PBX3: variants seen among roughly 807,000 people sequenced by gnomAD.
The protein encoded by PBX3 is pre-B-cell leukemia transcription factor 3.
PBX3 carries 14 observed loss-of-function variants against 48.5 expected under a neutral mutation model. That is an observed-to-expected ratio of 0.29 (90% CI 0.19 to 0.45). The LOEUF (loss-of-function observed/expected upper bound fraction) is 0.45. Among genes scored for constraint, PBX3 ranks in the 20% least tolerant of loss-of-function variants. The pLI, the probability that PBX3 is intolerant of heterozygous loss-of-function variation, is 1.00. For missense variants in PBX3, 386 were observed against 546.7 expected, an observed-to-expected ratio of 0.71 and a Z score of 2.93; for synonymous variants, 210 against 200.3, an observed-to-expected ratio of 1.05 and a Z score of -0.41.
intron 2 of PBX3, among the ~76,000 whole-genome samples, chr9:125,836,399 T>C (rs1001357924): frequency 6.6e-6 from 1 of 151,844 alleles, no homozygotes; most frequent in Non-Finnish European, 1.5e-5. Context: ...GAGCCGAGAT[T>C]GCATCACTGC....
chr9:125,835,205 C>T (rs1839097733), intron 2 of PBX3, among the ~76,000 whole-genome samples: 1 of 151,958 alleles, frequency 6.6e-6, no homozygotes, highest in Non-Finnish European at 1.5e-5. Context: ...CTAGGCATCT[C>T]ATATGTATTA....
At position 125,966,124 on chromosome 9, in the gene PBX3, A is replaced by AT. The variant is rs398012268; in HGVS notation, c.*202dup. 1,607 of 441,652 alleles carry AT rather than the reference A, an allele frequency of 3.6e-3. 7 individuals carry two copies. Among genetic ancestry groups the AT allele is most frequent in the South Asian group, 0.016 (346 of 21,032 alleles). 27.4% of individuals were successfully genotyped at this position (441,652 alleles called of 1,614,324 possible). A position where few individuals can be genotyped will look rare whatever the true frequency, so the allele number is the denominator to read the frequency against. ...TTAAAAACACACAATGTTAAAAAAA[A>AT]TAAAGCACTTTATCCAATTAGGCCA... On this transcript the variant is annotated 3_prime_UTR_variant, in exon 9 of 9. Coordinates refer to ENST00000373489, the MANE Select transcript of PBX3 (RefSeq NM_006195.6).
At chr9:125,843,885 T>C in intron 2 of PBX3, 1 of 454,708 alleles carries the variant, frequency 2.2e-6, no homozygotes, top group Non-Finnish European at 4.4e-6. Flanking sequence ...GGAAGGCAAT[T>C]GCCAGGGGTT....
chr9:125,798,238 C>A (rs1463089905), intron 2 of PBX3, among the ~76,000 whole-genome samples: 1 of 152,072 alleles, frequency 6.6e-6, no homozygotes, highest in Non-Finnish European at 1.5e-5. Context: ...AAAAGCTGTT[C>A]AAATCTAGGA....
At chr9:125,870,004 A>G (rs1332750695) in intron 2 of PBX3, among the ~76,000 whole-genome samples, 3 of 151,732 alleles carry the variant, frequency 2.0e-5, no homozygotes, top group Non-Finnish European at 4.4e-5. Context: ...GAGAGGCTTC[A>G]CAATCATGGC....
chr9:125,893,331 C>T (rs1236023782), intron 2 of PBX3, among the ~76,000 whole-genome samples: 2 of 152,168 alleles, frequency 1.3e-5, no homozygotes. Context: ...AGACTTTAAT[C>T]TGTGGACTCT....
chr9:125,866,678 G>A (rs1348011782), intron 2 of PBX3, among the ~76,000 whole-genome samples: 1 of 152,126 alleles, frequency 6.6e-6, no homozygotes, highest in Non-Finnish European at 1.5e-5. Flanking sequence ...TCTATATCTC[G>A]TTTCTAGCTA....
intron 2 of PBX3, among the ~76,000 whole-genome samples, chr9:125,901,246 T>C (rs1840938839): frequency 6.6e-6 from 1 of 151,702 alleles, no homozygotes; most frequent in Non-Finnish European, 1.5e-5. Flanking sequence ...TAATGATAAA[T>C]TTCATGTTTT....
chr9:125,864,509 A>C (rs1189459279), intron 2 of PBX3, among the ~76,000 whole-genome samples: 2 of 152,168 alleles, frequency 1.3e-5, no homozygotes, highest in Non-Finnish European at 2.9e-5. Context: ...ACTTACCATA[A>C]TGTAGAATCA....
intron 2 of PBX3, among the ~76,000 whole-genome samples, chr9:125,753,759 C>T (rs915061342): frequency 6.6e-6 from 1 of 151,942 alleles, no homozygotes; most frequent in African/African-American, 2.4e-5. Flanking sequence ...AAGGAGGCCC[C>T]GACTTGCCCC....
chr9:125,828,987 C>A (rs1416107471), intron 2 of PBX3, among the ~76,000 whole-genome samples: 1 of 152,092 alleles, frequency 6.6e-6, no homozygotes, highest in Non-Finnish European at 1.5e-5. Flanking sequence ...TGTAGGTGAT[C>A]CCCTGAGAGG....
At chr9:125,897,720 C>T (rs1840807890) in intron 2 of PBX3, among the ~76,000 whole-genome samples, 1 of 151,808 alleles carries the variant, frequency 6.6e-6, no homozygotes, top group Non-Finnish European at 1.5e-5. Context: ...TAAGAAACAG[C>T]ATTAAAGTTT....
At chr9:125,821,612 A>G (rs1838655237) in intron 2 of PBX3, among the ~76,000 whole-genome samples, 1 of 152,126 alleles carries the variant, frequency 6.6e-6, no homozygotes, top group Non-Finnish European at 1.5e-5. Context: ...GATCTCAAAG[A>G]TGCTACTATT....
chr9:125,802,765 G>A (rs570846403), intron 2 of PBX3, among the ~76,000 whole-genome samples: 1 of 149,070 alleles, frequency 6.7e-6, no homozygotes, highest in Admixed American at 6.7e-5. Context: ...TGCAACCTCC[G>A]CCTCCCGGGT....
At chr9:125,914,653 C>T (rs762643058) in intron 2 of PBX3, among the ~76,000 whole-genome samples, 3 of 152,224 alleles carry the variant, frequency 2.0e-5, no homozygotes, top group Non-Finnish European at 4.4e-5. Flanking sequence ...TGCCAACTTC[C>T]TTTTCCCCTC....
At chr9:125,962,068 CTG>C (rs1842441969) in intron 6 of PBX3, 32 bp from the exon 7 acceptor site, 1 of 1,063,844 alleles carries the variant, frequency 9.4e-7, no homozygotes, top group African/African-American at 1.6e-5. Flanking sequence ...GTGTAGCTCT[CTG>C]TTATTCAGCT....
At chr9:125,929,939 C>A in intron 4 of PBX3, 94 bp downstream of exon 4, 1 of 941,610 alleles carries the variant, frequency 1.1e-6, no homozygotes, top group Non-Finnish European at 1.7e-6. Flanking sequence ...GTCTTAGATT[C>A]TTTTGGCCAT....
At chr9:125,909,525 G>A (rs533753033) in intron 2 of PBX3, among the ~76,000 whole-genome samples, 15 of 152,220 alleles carry the variant, frequency 9.9e-5, no homozygotes, top group Non-Finnish European at 1.3e-4. Flanking sequence ...GCTCTTCTGC[G>A]TAAAGTATTC....
chr9:125,789,538 T>TC (rs1307668067), intron 2 of PBX3, among the ~76,000 whole-genome samples: 2 of 152,192 alleles, frequency 1.3e-5, no homozygotes, highest in African/African-American at 4.8e-5. Flanking sequence ...GCAGCTGGCT[T>TC]CCCTCAGAGT....
Sources: gnomAD v4.1 joint callset for allele counts (sites outside exome capture counted in the v4.1 genomes callset) on GRCh38, gnomAD v4.1.1 for gene constraint, MANE v1.5 for transcripts, NCBI Gene and HGNC (gene_info 2026-07-23, HGNC 2026-07-21) for gene names.